Variants in ELN observed in about 807,000 individuals in gnomAD.
ELN encodes the protein elastin, also known as tropoelastin.
ELN carries 65 observed loss-of-function variants against 105.8 expected under a neutral mutation model. That is an observed-to-expected ratio of 0.61 (90% CI 0.50 to 0.75). The LOEUF (loss-of-function observed/expected upper bound fraction) is 0.75. Among genes scored for constraint, ELN ranks in the 30% least tolerant of loss-of-function variants. ELN has a pLI of 0.00. For missense variants in ELN, 882 were observed against 969.4 expected, an observed-to-expected ratio of 0.91 and a Z score of 1.20; for synonymous variants, 368 against 389.2, an observed-to-expected ratio of 0.95 and a Z score of 0.64.
chr7:74,037,569 CAGGG>C, intron 3 of ELN, 134 bp from the exon 4 acceptor site: 3 of 1,293,444 alleles, frequency 2.3e-6, no homozygotes, highest in Non-Finnish European at 3.3e-6. Flanking sequence ...GCTAGGTTCC[CAGGG>C]GCTCCAAGTC....
intron 5 of ELN, 118 bp from the exon 6 acceptor site, chr7:74,042,496 A>T: frequency 1.2e-6 from 1 of 811,320 alleles, no homozygotes; most frequent in Non-Finnish European, 2.0e-6. Context: ...GATGTCTGGC[A>T]GAGAGCGGAA....
intron 3 of ELN, among the ~76,000 whole-genome samples, chr7:74,036,835 C>T (rs1231967961): frequency 2.6e-5 from 4 of 151,902 alleles, no homozygotes; most frequent in Non-Finnish European, 2.9e-5. Context: ...TGGGGGAGGA[C>T]GGGGGGACAG....
chr7:74,040,938 G>A (rs1401838131), intron 4 of ELN, among the ~76,000 whole-genome samples: 1 of 152,194 alleles, frequency 6.6e-6, no homozygotes, highest in Non-Finnish European at 1.5e-5. Flanking sequence ...TGAAAGCCCT[G>A]CTGAATCTTG....
chr7:74,058,336 T>G (rs1200265217), intron 22 of ELN, among the ~76,000 whole-genome samples: 2 of 151,068 alleles, frequency 1.3e-5, no homozygotes, highest in East Asian at 3.9e-4. Context: ...CTCCTCCTTT[T>G]CCTCCTTCTT....
intron 2 of ELN, 51 bp downstream of exon 2, chr7:74,035,465 G>A: frequency 6.2e-7 from 1 of 1,604,056 alleles, no homozygotes; most frequent in Non-Finnish European, 8.5e-7. Flanking sequence ...TGATGCTGAT[G>A]TCCATAATAG....
rs782188575 is a variant in ELN, at chr7:74,063,291, A to G, written c.1859-19A>G. On this transcript the variant is annotated intron_variant, in intron 27 of 32. Transcript: ENST00000252034. The surrounding 1 kb of genome is among the most constrained non-coding windows in gnomAD (Gnocchi z 4.1). Reference sequence around the variant, plus strand: ...TAACCAGTACAGAGTGCCTCCCTGAACTCGGTCTGTGTTCCCAGGAGCCGG... The same window carrying G: ...TAACCAGTACAGAGTGCCTCCCTGAGCTCGGTCTGTGTTCCCAGGAGCCGG... The G allele has an allele frequency of 6.4e-7, 1 of 1,563,380 alleles. No homozygotes were observed. The highest frequency in any genetic ancestry group is 8.7e-7 in the Non-Finnish European group (1 of 1,154,460).
At chr7:74,067,881 C>G (rs1262096081) in intron 32 of ELN, among the ~76,000 whole-genome samples, 15 of 142,610 alleles carry the variant, frequency 1.1e-4, no homozygotes, top group African/African-American at 4.0e-4. Context: ...TGAGCTGAGA[C>G]TACACCACTG....
At chr7:74,052,850 G>GGAGGGAGAGA (rs1306969354) in intron 17 of ELN, 1 of 384,168 alleles carries the variant, frequency 2.6e-6, no homozygotes, top group East Asian at 5.2e-5. Flanking sequence ...AGAGAGAGAG[G>GGAGGGAGAGA]GAGGGAGAGA....
intron 4 of ELN, among the ~76,000 whole-genome samples, chr7:74,038,765 T>C (rs183238746): frequency 7.3e-4 from 111 of 152,382 alleles, no homozygotes; most frequent in Admixed American, 2.5e-3. Flanking sequence ...TATGAAATCC[T>C]GATAGTTGAT....
chr7:74,043,385 G>A, intron 8 of ELN: 1 of 754,762 alleles, frequency 1.3e-6, no homozygotes, highest in Non-Finnish European at 2.3e-6. Context: ...TCTTGGGGTA[G>A]AAAGAGACGG....
intron 4 of ELN, among the ~76,000 whole-genome samples, chr7:74,040,322 A>G (rs922158668): frequency 3.3e-5 from 5 of 151,948 alleles, no homozygotes; most frequent in South Asian, 2.1e-4. Flanking sequence ...CTGGGAAGTG[A>G]CTCCTGCCTG....
chr7:74,061,277 G>A, intron 26 of ELN, 138 bp downstream of exon 26: 6 of 1,068,156 alleles, frequency 5.6e-6, no homozygotes, highest in Middle Eastern at 4.0e-4. Context: ...AGCACTTTGG[G>A]AGGCCGAGGC....
chr7:74,060,323 C>T, intron 24 of ELN, 53 bp from the exon 25 acceptor site: 6 of 1,614,108 alleles, frequency 3.7e-6, no homozygotes, highest in Admixed American at 1.7e-5. Context: ...CAGGACACCT[C>T]CTTAGGGGCA....
chr7:74,028,412 C>T (rs1355254902), intron 1 of ELN, 143 bp downstream of exon 1: 11 of 937,214 alleles, frequency 1.2e-5, no homozygotes, highest in Admixed American at 2.3e-5. Context: ...ACTGGGTCCT[C>T]GGAACTGCCC....
rs547398558 is a variant in ELN at position 74,065,726 on chromosome 7, A to G, written c.2026A>G (p.Lys676Glu). The change falls in exon 30 of 33, where the codon AAA becomes GAA. Residue 676 changes from lysine to glutamate, a missense_variant. Physicochemically the swap from Lys to Glu is moderately conservative, Grantham distance 56. Transcript: ENST00000252034. Reference protein sequence around the residue: ...IPPAAAAKAAKYGAAGLGGVL... With the variant: ...IPPAAAAKAAEYGAAGLGGVL... Reference sequence around the variant, plus strand: ...TCCAGCTGCAGCCGCTAAAGCAGCTAAATACGGTGAGTTCCCCTCTGATGC... The same window carrying G: ...TCCAGCTGCAGCCGCTAAAGCAGCTGAATACGGTGAGTTCCCCTCTGATGC... 1 of 1,613,804 alleles carries G rather than the reference A, an allele frequency of 6.2e-7. No individual in the cohort carries two copies. Among genetic ancestry groups the G allele is most frequent in the African/African-American group, 1.3e-5 (1 of 74,886 alleles).
rs1307727294 is a variant in ELN, at chr7:74,057,896, A to G, written c.1414+200A>G. ...GGGTGATGTTTCTGATTAGGGGAGC[A>G]GGGTGAGCAGTGTGAGCCTCCCTGT... On this transcript the variant is annotated intron_variant, in intron 22 of 32. Coordinates refer to ENST00000252034, the MANE Select transcript of ELN (RefSeq NM_000501.4). Among the ~76,000 whole-genome samples the G allele has an allele frequency of 2.0e-5, 3 of 152,156 alleles. No individual in the cohort carries two copies. The East Asian group carries it at 5.8e-4, about 29-fold the overall frequency.
At chr7:74,037,931 A>G (rs1790366712) in intron 4 of ELN, 192 bp downstream of exon 4, 1 of 738,228 alleles carries the variant, frequency 1.4e-6, no homozygotes, top group Non-Finnish European at 2.2e-6. Context: ...CAGGGCTTCC[A>G]GGAACAAGAG....
chr7:74,057,454 C>G (rs782074494), intron 21 of ELN, 186 bp from the exon 22 acceptor site: 1 of 1,544,692 alleles, frequency 6.5e-7, no homozygotes, highest in South Asian at 1.2e-5. Context: ...GTGCCGGGCA[C>G]GGGAGGAGTG....
At chr7:74,047,884 A>C (rs1448405344) in intron 13 of ELN, among the ~76,000 whole-genome samples, 168 bp downstream of exon 13, 1 of 152,162 alleles carries the variant, frequency 6.6e-6, no homozygotes, top group African/African-American at 2.4e-5. Context: ...TGGACTCAGC[A>C]TGGGTCTCCA....
Sources: allele counts gnomAD v4.1 joint callset (sites outside exome capture counted in the v4.1 genomes callset), GRCh38; gene constraint gnomAD v4.1.1; non-coding constraint Gnocchi (gnomAD v3.1); transcripts MANE v1.5; gene names NCBI Gene and HGNC (gene_info 2026-07-23, HGNC 2026-07-21).